The following ABCA9 variants were observed in gnomAD, a reference collection of about 807,000 sequenced individuals.
ABCA9 encodes ATP-binding cassette sub-family A member 9.
Under a neutral mutation model 205.3 loss-of-function variants are expected in ABCA9, and 183 were observed. That is an observed-to-expected ratio of 0.89 (90% CI 0.79 to 1.01). The LOEUF is 1.01. ABCA9 is among the 50% of genes least tolerant of loss of function. The pLI is 0.00. For missense variants in ABCA9, 1,805 were observed against 1,912.4 expected (o/e 0.94, Z 1.05); for synonymous variants, 651 against 683.3 (o/e 0.95, Z 0.74).
intron 25 of ABCA9, among the ~76,000 whole-genome samples, chr17:69,001,131 C>T (rs1192537970): frequency 1.3e-5 from 2 of 151,438 alleles, no homozygotes; most frequent in Non-Finnish European, 2.9e-5. Flanking sequence ...TGCCTAATTG[C>T]CCTGGCCAGA....
At chr17:69,078,485 C>A in the ABCA9 span, among the ~76,000 whole-genome samples, 1 of 152,200 alleles carries the variant, frequency 6.6e-6, no homozygotes, top group Non-Finnish European at 1.5e-5. Flanking sequence ...GCGTGAGCCA[C>A]TGCACCTGGC....
chr17:69,077,516 G>A, the ABCA9 span, among the ~76,000 whole-genome samples: 1 of 152,128 alleles, frequency 6.6e-6, no homozygotes, highest in African/African-American at 2.4e-5. Context: ...ATGCCTGTTA[G>A]GTCCAATTGG....
chr17:69,051,010 C>A, intron 2 of ABCA9, 21 bp downstream of exon 2: 2 of 1,606,620 alleles, frequency 1.2e-6, no homozygotes, highest in Middle Eastern at 1.7e-4. Context: ...AATATGAGAA[C>A]ACATAGACTC....
chr17:69,033,324 G>GAAAAAAC (rs1567960119), intron 9 of ABCA9: 1 of 111,046 alleles, frequency 9.0e-6, no homozygotes, highest in Non-Finnish European at 1.9e-5. Context: ...AAAAAAAAAG[G>GAAAAAAC]AAAGAAAGAA....
chr17:69,017,430 T>C (rs1218120276), intron 21 of ABCA9, among the ~76,000 whole-genome samples: 1 of 152,184 alleles, frequency 6.6e-6, no homozygotes, highest in Non-Finnish European at 1.5e-5. Context: ...TAAATTATTA[T>C]AGCAGTGCAT....
intron 3 of ABCA9, 71 bp downstream of exon 3, chr17:69,049,212 G>A (rs2071818559): frequency 1.4e-6 from 2 of 1,381,952 alleles, no homozygotes; most frequent in East Asian, 2.3e-5. Flanking sequence ...CATAATTTAT[G>A]AAGGAAATCT....
the ABCA9 span, among the ~76,000 whole-genome samples, chr17:69,071,359 C>T: frequency 6.6e-6 from 1 of 152,112 alleles, no homozygotes; most frequent in African/African-American, 2.4e-5. Context: ...TGGCATCTGG[C>T]GGGTGCCCCT....
chr17:69,036,870 G>GAAAA (rs1567963217), intron 6 of ABCA9, among the ~76,000 whole-genome samples: 1 of 2,486 alleles, frequency 4.0e-4, no homozygotes, highest in Admixed American at 5.3e-3. Flanking sequence ...TAAATGGAAA[G>GAAAA]CAAAAAAAAA....
At chr17:69,028,708 CTG>C in intron 11 of ABCA9, 63 bp from the exon 12 acceptor site, 2 of 990,900 alleles carry the variant, frequency 2.0e-6, no homozygotes, top group Non-Finnish European at 2.9e-6. Context: ...GTCTCTGAAA[CTG>C]TTGTAATTTT....
intron 25 of ABCA9, among the ~76,000 whole-genome samples, chr17:68,996,323 T>C (rs1048593952): frequency 5.3e-5 from 8 of 152,220 alleles, no homozygotes; most frequent in African/African-American, 1.7e-4. Context: ...TGCATTTTTC[T>C]TTTTTTCATT....
At chr17:69,002,516 G>T (rs1327728451) in intron 25 of ABCA9, among the ~76,000 whole-genome samples, 1 of 150,466 alleles carries the variant, frequency 6.6e-6, no homozygotes, top group Non-Finnish European at 1.5e-5. Flanking sequence ...TTTTACATTT[G>T]CTGAGGAGAG....
chr17:69,044,015 G>A (rs1219918893), intron 5 of ABCA9, among the ~76,000 whole-genome samples: 2 of 152,036 alleles, frequency 1.3e-5, no homozygotes, highest in South Asian at 4.1e-4. Context: ...TTCATTGTTT[G>A]CCTAGTACAC....
At position 68,985,037 on chromosome 17, in the gene ABCA9, C is replaced by A. The variant is rs1425374961; in HGVS notation, c.4284+16G>T. The A allele has an allele frequency of 2.5e-6, 4 of 1,614,248 alleles. No individual in the cohort carries two copies. In the East Asian group the frequency reaches 6.7e-5, roughly 27 times the overall value. ...ATCTACGGCACTTGCAGAGCAACAA[C>A]AAGCCCTGCCCGTACCTTTCGCTTT... is the stretch of plus-strand genomic sequence containing the variant. On this transcript the variant is annotated intron_variant, in intron 33 of 38. Transcript: ENST00000340001.
intron 23 of ABCA9, among the ~76,000 whole-genome samples, chr17:69,010,816 G>A (rs1352345906): frequency 6.6e-6 from 1 of 152,132 alleles, no homozygotes; most frequent in Non-Finnish European, 1.5e-5. Flanking sequence ...AAGAGACAAC[G>A]ATAATGCGAA....
At chr17:69,029,283 T>A in intron 10 of ABCA9, 56 bp from the exon 11 acceptor site, 2 of 1,134,924 alleles carry the variant, frequency 1.8e-6, no homozygotes, top group Non-Finnish European at 2.5e-6. Context: ...AGAGGATTGA[T>A]AAGTCAAGTC....
At chr17:69,007,260 G>A (rs920221803) in intron 25 of ABCA9, among the ~76,000 whole-genome samples, 1 of 152,116 alleles carries the variant, frequency 6.6e-6, no homozygotes, top group African/African-American at 2.4e-5. Context: ...AATTAGCCGG[G>A]TGTGGTGGCG....
intron 25 of ABCA9, among the ~76,000 whole-genome samples, chr17:69,000,626 A>G (rs1222100885): frequency 2.7e-5 from 4 of 147,936 alleles, no homozygotes; most frequent in Admixed American, 6.7e-5. Flanking sequence ...TTTTGGTTCC[A>G]TATGAACTTT....
intron 31 of ABCA9, among the ~76,000 whole-genome samples, chr17:68,987,953 G>A (rs540002357): frequency 6.6e-6 from 1 of 152,184 alleles, no homozygotes; most frequent in Admixed American, 6.5e-5. Flanking sequence ...TGGTAGAGAT[G>A]GTGCTTCTCC....
chr17:69,029,231 A>G lies in ABCA9; in HGVS notation c.1446-4T>C. Reference sequence around the variant, plus strand: ...TTCTTTTTTAAGATTTTTGATTCTGAAAAAAAGAGGGAAATGTTTTCAGAG... The same window carrying G: ...TTCTTTTTTAAGATTTTTGATTCTGGAAAAAAGAGGGAAATGTTTTCAGAG... On this transcript the variant is annotated splice_region_variant and splice_polypyrimidine_tract_variant and intron_variant, in intron 10 of 38. Coordinates refer to ENST00000340001, the MANE Select transcript of ABCA9 (RefSeq NM_080283.4). 1 of 1,539,952 alleles carries G rather than the reference A, an allele frequency of 6.5e-7. No homozygotes were observed. The highest frequency in any genetic ancestry group is 1.4e-5 in the African/African-American group (1 of 72,830).
Sources: gnomAD v4.1 joint callset for allele counts (sites outside exome capture counted in the v4.1 genomes callset) on GRCh38, gnomAD v4.1.1 for gene constraint, MANE v1.5 for transcripts, NCBI Gene and HGNC (gene_info 2026-07-23, HGNC 2026-07-21) for gene names.